The following ZNF385D variants were observed in gnomAD, a reference collection of about 807,000 sequenced individuals.
The protein encoded by ZNF385D is zinc finger protein 385D.
A neutral mutation model predicts 35.8 loss-of-function variants in ZNF385D; 15 were observed. The observed-to-expected ratio is 0.42, with a 90% CI of 0.28 to 0.64. The LOEUF (loss-of-function observed/expected upper bound fraction) is 0.64, where lower values mean the gene tolerates loss of function less well. Ranked by LOEUF, ZNF385D falls within the 30% of genes least tolerant of loss-of-function variation. The pLI is 0.23. For synonymous variants in ZNF385D, 212 were observed against 186.8 expected (o/e 1.13, Z -1.10); for missense variants, 474 against 494.6 (o/e 0.96, Z 0.39).
intron 2 of ZNF385D, among the ~76,000 whole-genome samples, chr3:22,260,510 T>TA (rs970216167): frequency 9.9e-5 from 15 of 150,796 alleles, no homozygotes; most frequent in South Asian, 4.2e-4. Flanking sequence ...AACTTAAAAT[T>TA]AAAAAAAAAG....
intron 3 of ZNF385D, among the ~76,000 whole-genome samples, chr3:22,081,782 G>C (rs1700763047): frequency 6.6e-6 from 1 of 152,030 alleles, no homozygotes; most frequent in African/African-American, 2.4e-5. Flanking sequence ...TGATTCTCTG[G>C]TCATTTTTTT....
intron 2 of ZNF385D, among the ~76,000 whole-genome samples, chr3:22,363,504 T>G (rs1696512476): frequency 6.6e-6 from 1 of 152,212 alleles, no homozygotes; most frequent in African/African-American, 2.4e-5. Flanking sequence ...AAATCTTTGC[T>G]ACATTAACAA....
intron 3 of ZNF385D, among the ~76,000 whole-genome samples, chr3:21,883,104 T>A (rs1266901984): frequency 1.3e-5 from 2 of 151,864 alleles, no homozygotes; most frequent in African/African-American, 4.8e-5. Flanking sequence ...AAACAACACA[T>A]ATCATCTTAT....
intron 3 of ZNF385D, among the ~76,000 whole-genome samples, chr3:21,908,392 A>G (rs974502487): frequency 3.3e-5 from 5 of 152,126 alleles, no homozygotes; most frequent in Admixed American, 1.3e-4. Flanking sequence ...TATGCTGTAT[A>G]CTATTCATTC....
At chr3:21,424,275 T>TTA (rs369528437) in intron 6 of ZNF385D, among the ~76,000 whole-genome samples, 1 of 79,800 alleles carries the variant, frequency 1.3e-5, no homozygotes, top group Non-Finnish European at 2.6e-5. Flanking sequence ...ATATATACTA[T>TTA]TATATATATA....
intron 3 of ZNF385D, among the ~76,000 whole-genome samples, chr3:21,987,598 A>T (rs1329871939): frequency 1.5e-5 from 2 of 132,090 alleles, no homozygotes; most frequent in Non-Finnish European, 1.6e-5. Context: ...GGCTGCCCTT[A>T]ACATTTTTTC....
chr3:21,893,758 A>G (rs960165725), intron 3 of ZNF385D, among the ~76,000 whole-genome samples: 21 of 152,200 alleles, frequency 1.4e-4, no homozygotes, highest in Admixed American at 1.4e-3. Flanking sequence ...TAGAACTCAG[A>G]GAATTAAAAA....
chr3:21,892,960 G>T (rs887900547), intron 3 of ZNF385D, among the ~76,000 whole-genome samples: 1 of 152,250 alleles, frequency 6.6e-6, no homozygotes, highest in Admixed American at 6.5e-5. Context: ...TCTATTGCGT[G>T]TATGTATTTG....
At chr3:22,093,428 T>C (rs1701433901) in intron 3 of ZNF385D, among the ~76,000 whole-genome samples, 2 of 151,796 alleles carry the variant, frequency 1.3e-5, no homozygotes, top group Admixed American at 1.3e-4. Context: ...TTTTACTTAA[T>C]TTAAAAAAGT....
chr3:21,775,840 G>T (rs555541615), intron 3 of ZNF385D, among the ~76,000 whole-genome samples: 1 of 151,628 alleles, frequency 6.6e-6, no homozygotes, highest in South Asian at 2.1e-4. Flanking sequence ...TATAAATAGC[G>T]TTTTCCAGTA....
chr3:21,758,699 T>C (rs559116633), intron 3 of ZNF385D, among the ~76,000 whole-genome samples: 4 of 152,118 alleles, frequency 2.6e-5, no homozygotes, highest in Non-Finnish European at 5.9e-5. Context: ...CGTTACACAC[T>C]TCCTTTCTGA....
chr3:22,280,110 C>A (rs530476256), intron 2 of ZNF385D, among the ~76,000 whole-genome samples: 1 of 152,058 alleles, frequency 6.6e-6, no homozygotes, highest in Non-Finnish European at 1.5e-5. Context: ...ATGTCCTTAG[C>A]CCACTTTTTG....
chr3:22,254,813 A>AT (rs1333926621), intron 2 of ZNF385D, among the ~76,000 whole-genome samples: 1 of 151,822 alleles, frequency 6.6e-6, no homozygotes, highest in East Asian at 1.9e-4. Flanking sequence ...CAGTGCTTGT[A>AT]TTCAAGTAAC....
intron 2 of ZNF385D, among the ~76,000 whole-genome samples, chr3:22,323,097 G>A (rs1040297111): frequency 6.6e-5 from 10 of 151,990 alleles, no homozygotes; most frequent in African/African-American, 2.4e-4. Context: ...AATCCCCTTG[G>A]TTGCTAGGCT....
intron 2 of ZNF385D, among the ~76,000 whole-genome samples, chr3:22,247,083 T>C (rs1218393704): frequency 3.9e-5 from 6 of 152,160 alleles, no homozygotes; most frequent in African/African-American, 1.4e-4. Flanking sequence ...TTGTTCATTC[T>C]ATTCTGTTAG....
At chr3:21,597,120 A>G (rs1251023743) in intron 2 of ZNF385D, among the ~76,000 whole-genome samples, 1 of 152,204 alleles carries the variant, frequency 6.6e-6, no homozygotes, top group African/African-American at 2.4e-5. Flanking sequence ...TTATCTAAAT[A>G]GGGTTTGTTT....
intron 3 of ZNF385D, among the ~76,000 whole-genome samples, chr3:22,128,781 A>C (rs1366975158): frequency 6.6e-6 from 1 of 152,158 alleles, no homozygotes; most frequent in Admixed American, 6.6e-5. Context: ...AATTTATATA[A>C]GATTTTGAAT....
At chr3:22,328,881 C>T (rs1235802528) in intron 2 of ZNF385D, among the ~76,000 whole-genome samples, 2 of 152,038 alleles carry the variant, frequency 1.3e-5, no homozygotes, top group African/African-American at 4.8e-5. Context: ...CGAGACCATC[C>T]TGGCTAACAC....
chr3:21,947,704 C>CTT (rs1465050880), intron 3 of ZNF385D, among the ~76,000 whole-genome samples: 6 of 152,184 alleles, frequency 3.9e-5, no homozygotes, highest in African/African-American at 1.4e-4. Context: ...TGTAATATCT[C>CTT]TATATGTATT....
Sources: gnomAD v4.1 joint callset for allele counts (sites outside exome capture counted in the v4.1 genomes callset) on GRCh38, gnomAD v4.1.1 for gene constraint, MANE v1.5 for transcripts, NCBI Gene and HGNC (gene_info 2026-07-23, HGNC 2026-07-21) for gene names.